The following MDGA2 variants were observed in gnomAD, a reference collection of about 807,000 sequenced individuals.
MDGA2 encodes MAM domain containing glycosylphosphatidylinositol anchor 2.
A neutral mutation model predicts 117.8 loss-of-function variants in MDGA2; 40 were observed. That is an observed-to-expected ratio of 0.34 (90% CI 0.26 to 0.44). MDGA2 has a LOEUF of 0.44. Ranked by LOEUF, MDGA2 falls within the 20% of genes least tolerant of loss-of-function variation. MDGA2 has a pLI of 1.00. For synonymous variants in MDGA2, 452 were observed against 439.0 expected (o/e 1.03, Z -0.37); for missense variants, 1,123 against 1,250.6 (o/e 0.90, Z 1.54).
chr14:47,009,929 G>C (rs1220615118), intron 8 of MDGA2, among the ~76,000 whole-genome samples: 2 of 151,934 alleles, frequency 1.3e-5, no homozygotes, highest in African/African-American at 4.8e-5. Context: ...CTAGCCCTCT[G>C]AATCTTCATG....
intron 1 of MDGA2, among the ~76,000 whole-genome samples, chr14:47,462,358 A>C (rs1893506212): frequency 6.8e-6 from 1 of 147,008 alleles, no homozygotes; most frequent in Admixed American, 6.8e-5. Context: ...CCTGGGCGAC[A>C]GAGAGAGACT....
intron 1 of MDGA2, among the ~76,000 whole-genome samples, chr14:47,473,850 A>G (rs146260779): frequency 6.6e-6 from 1 of 152,148 alleles, no homozygotes; most frequent in East Asian, 1.9e-4. Context: ...TGTATGACAT[A>G]TATGACAAAC....
intron 3 of MDGA2, among the ~76,000 whole-genome samples, chr14:47,168,876 C>T (rs1219945279): frequency 2.6e-5 from 4 of 152,000 alleles, no homozygotes; most frequent in Admixed American, 6.6e-5. Context: ...GGAACTAAAT[C>T]ACCTAAAGTA....
intron 1 of MDGA2, among the ~76,000 whole-genome samples, chr14:47,558,573 T>C (rs1188930341): frequency 1.3e-5 from 2 of 152,172 alleles, no homozygotes; most frequent in Non-Finnish European, 2.9e-5. Context: ...GGCTTTTAAG[T>C]AGTGGATTTC....
At chr14:47,493,527 T>C (rs1401602787) in intron 1 of MDGA2, among the ~76,000 whole-genome samples, 1 of 151,792 alleles carries the variant, frequency 6.6e-6, no homozygotes, top group Non-Finnish European at 1.5e-5. Flanking sequence ...GTGTTGTCCA[T>C]GGCTGGTCTT....
At chr14:47,245,348 C>A (rs1887202835) in intron 2 of MDGA2, among the ~76,000 whole-genome samples, 1 of 151,792 alleles carries the variant, frequency 6.6e-6, no homozygotes, top group African/African-American at 2.4e-5. Flanking sequence ...ATACATACAA[C>A]ATACAAAATA....
intron 1 of MDGA2, among the ~76,000 whole-genome samples, chr14:47,483,845 C>T (rs1894002055): frequency 6.6e-6 from 1 of 152,116 alleles, no homozygotes; most frequent in Non-Finnish European, 1.5e-5. Context: ...ATTATAAAGA[C>T]AAGAGCTGAG....
At chr14:47,038,275 C>T (rs1440672057) in intron 7 of MDGA2, among the ~76,000 whole-genome samples, 1 of 151,922 alleles carries the variant, frequency 6.6e-6, no homozygotes, top group Admixed American at 6.6e-5. Context: ...TTAGCCTCAA[C>T]GTTATTGATG....
chr14:47,117,568 C>A (rs1003198396), intron 5 of MDGA2, among the ~76,000 whole-genome samples: 3 of 152,018 alleles, frequency 2.0e-5, no homozygotes, highest in Non-Finnish European at 4.4e-5. Flanking sequence ...TATTATTTGG[C>A]CTGAAAAAAT....
intron 1 of MDGA2, among the ~76,000 whole-genome samples, chr14:47,423,312 C>T (rs1594849636): frequency 6.6e-6 from 1 of 152,072 alleles, no homozygotes; most frequent in African/African-American, 2.4e-5. Context: ...AACTTTTTTC[C>T]TCTTCCATAC....
chr14:47,501,994 A>T (rs1484014197), intron 1 of MDGA2, among the ~76,000 whole-genome samples: 1 of 152,224 alleles, frequency 6.6e-6, no homozygotes, highest in Non-Finnish European at 1.5e-5. Flanking sequence ...CAGTAAAATT[A>T]TCTAGCAAAA....
At chr14:47,246,522 A>G (rs1887242915) in intron 2 of MDGA2, among the ~76,000 whole-genome samples, 1 of 151,630 alleles carries the variant, frequency 6.6e-6, no homozygotes, top group Non-Finnish European at 1.5e-5. Flanking sequence ...GTTAGAAGAG[A>G]CTACTGACAG....
chr14:46,969,672 C>T (rs10148727), intron 8 of MDGA2, among the ~76,000 whole-genome samples: 105,004 of 150,944 alleles, frequency 0.7, 37,521 homozygotes, highest in African/African-American at 0.84. Context: ...ATAAGTAGAT[C>T]GCAAAAATTT....
chr14:46,975,896 T>C (rs1370447655), intron 8 of MDGA2, among the ~76,000 whole-genome samples: 1 of 152,108 alleles, frequency 6.6e-6, no homozygotes, highest in Non-Finnish European at 1.5e-5. Context: ...GACAACAATC[T>C]TGAACCTCTT....
At chr14:47,368,224 G>A (rs936608926) in intron 1 of MDGA2, among the ~76,000 whole-genome samples, 1 of 152,136 alleles carries the variant, frequency 6.6e-6, no homozygotes, top group Non-Finnish European at 1.5e-5. Flanking sequence ...AGAGGTTGCA[G>A]TGAGCTGAGA....
intron 1 of MDGA2, among the ~76,000 whole-genome samples, chr14:47,412,726 C>T (rs1340884009): frequency 6.6e-6 from 1 of 152,222 alleles, no homozygotes; most frequent in South Asian, 2.1e-4. Flanking sequence ...CAGGCTATCA[C>T]CAACATCAGC....
At chr14:47,520,244 CCT>C (rs1894841451) in intron 1 of MDGA2, among the ~76,000 whole-genome samples, 1 of 152,148 alleles carries the variant, frequency 6.6e-6, no homozygotes, top group Non-Finnish European at 1.5e-5. Flanking sequence ...ATGATGTTTT[CCT>C]CTCTTTTGAA....
At chr14:46,908,044 A>G (rs1337025117) in intron 10 of MDGA2, among the ~76,000 whole-genome samples, 1 of 152,196 alleles carries the variant, frequency 6.6e-6, no homozygotes. Flanking sequence ...ACGAAGAGAC[A>G]ATAACCCTCA....
At chr14:47,054,783 G>C (rs918188133) in intron 7 of MDGA2, among the ~76,000 whole-genome samples, 1 of 151,674 alleles carries the variant, frequency 6.6e-6, no homozygotes, top group African/African-American at 2.4e-5. Context: ...ATGGTGCTGG[G>C]AAAACTGGCT....
Sources: allele counts gnomAD v4.1 joint callset (sites outside exome capture counted in the v4.1 genomes callset), GRCh38; gene constraint gnomAD v4.1.1; transcripts MANE v1.5; gene names NCBI Gene and HGNC (gene_info 2026-07-23, HGNC 2026-07-21).